KIF18A: variants seen among roughly 807,000 people sequenced by gnomAD.
KIF18A encodes the protein kinesin family member 18A.
A neutral mutation model predicts 103.3 loss-of-function variants in KIF18A; 67 were observed. The observed-to-expected ratio is 0.65, with a 90% CI of 0.53 to 0.79. The LOEUF (loss-of-function observed/expected upper bound fraction) is 0.79. Among genes scored for constraint, KIF18A ranks in the 30% least tolerant of loss-of-function variants. The pLI is 0.00. For missense variants in KIF18A, 1,032 were observed against 1,062.5 expected (o/e 0.97, Z 0.40); for synonymous variants, 367 against 355.5 (o/e 1.03, Z -0.36).
At position 28,102,157 on chromosome 11, in the gene KIF18A, C is replaced by A. The variant is rs527578099; in HGVS notation, c.-46-4164G>T. 4.6e-5 allele frequency among the ~76,000 whole-genome samples: 7 copies of A among 152,278 alleles called. No individual in the cohort carries two copies. The South Asian group carries it at 8.3e-4, about 18-fold the overall frequency. On this transcript the variant is annotated intron_variant, in intron 1 of 16. Transcript: ENST00000263181. The stretch of plus-strand genomic sequence containing the variant: ...TTTCTTTGCAGATCCAGTAGATAAT[C>A]AACTAAAAGCCAGGCACCCTTTTAG...
rs187127215 is a variant in KIF18A at position 28,060,128 on chromosome 11, G to A, written c.1713-967C>T. Among the ~76,000 whole-genome samples the A allele has an allele frequency of 3.3e-3, 498 of 152,228 alleles. 1 individual carries two copies. The highest frequency in any genetic ancestry group is 6.8e-3 in the Middle Eastern group (2 of 294). ...GTAATTTTTTGTGTATCAGACCTCT[G>A]TGTAAGTGTTCATTGAAGAAATGTC... On this transcript the variant is annotated intron_variant, in intron 12 of 16. Transcript: ENST00000263181.
chr11:28,044,509 C>T (rs1850603465), intron 13 of KIF18A, among the ~76,000 whole-genome samples: 1 of 152,028 alleles, frequency 6.6e-6, no homozygotes, highest in Non-Finnish European at 1.5e-5. Context: ...TGCTTTAAGG[C>T]ATCCTATAAA....
intron 13 of KIF18A, among the ~76,000 whole-genome samples, chr11:28,040,042 T>G (rs2133500167): frequency 6.6e-6 from 1 of 151,848 alleles, no homozygotes; most frequent in Non-Finnish European, 1.5e-5. Flanking sequence ...AATAAAAATT[T>G]AAGTCAATCT....
At chr11:28,091,339 A>G (rs553874360) in intron 4 of KIF18A, 70 bp downstream of exon 4, 245 of 770,500 alleles carry the variant, frequency 3.2e-4, no homozygotes, top group Non-Finnish European at 4.8e-4. Context: ...AAGTAAGTGC[A>G]TGGCTGGTGA....
At chr11:28,061,225 CTG>C (rs1406597700) in intron 12 of KIF18A, among the ~76,000 whole-genome samples, 11 of 151,920 alleles carry the variant, frequency 7.2e-5, no homozygotes, top group African/African-American at 2.7e-4. Context: ...TTTATATGAA[CTG>C]TATTATAATC....
At chr11:28,096,962 C>T (rs1262385136) in intron 2 of KIF18A, among the ~76,000 whole-genome samples, 1 of 151,210 alleles carries the variant, frequency 6.6e-6, no homozygotes, top group East Asian at 1.9e-4. Flanking sequence ...CTTGGGCTAA[C>T]AATGAGCTAA....
intron 2 of KIF18A, among the ~76,000 whole-genome samples, chr11:28,096,781 C>T (rs1225706372): frequency 1.3e-5 from 2 of 151,798 alleles, no homozygotes; most frequent in South Asian, 2.1e-4. Flanking sequence ...ATCATAAATA[C>T]TAATAATTAC....
chr11:28,102,027 A>G (rs1244351472), intron 1 of KIF18A, among the ~76,000 whole-genome samples: 2 of 152,124 alleles, frequency 1.3e-5, no homozygotes, highest in African/African-American at 4.8e-5. Flanking sequence ...AATATTTAAC[A>G]CCCAAAATAG....
At chr11:28,089,608 T>C (rs557794361) in intron 5 of KIF18A, among the ~76,000 whole-genome samples, 2 of 152,342 alleles carry the variant, frequency 1.3e-5, no homozygotes, top group South Asian at 2.1e-4. Context: ...TAGGAACTTT[T>C]CAGCTCTGTT....
At chr11:28,106,500 G>A (rs756419838) in intron 1 of KIF18A, among the ~76,000 whole-genome samples, 5 of 148,918 alleles carry the variant, frequency 3.4e-5, no homozygotes, top group Non-Finnish European at 5.9e-5. Context: ...AGGGAAGGCC[G>A]GCACTGACAG....
chr11:28,046,901 A>G (rs1417313556), intron 13 of KIF18A, among the ~76,000 whole-genome samples: 4 of 151,178 alleles, frequency 2.6e-5, no homozygotes, highest in Non-Finnish European at 5.9e-5. Context: ...AAAATACAAA[A>G]AAATTAGCCG....
chr11:28,077,273 A>T, intron 9 of KIF18A, 104 bp from the exon 10 acceptor site: 2 of 687,598 alleles, frequency 2.9e-6, no homozygotes, highest in South Asian at 2.3e-5. Context: ...TGTAATTCAC[A>T]GAACTACACT....
In KIF18A at chr11:28,022,405, C is replaced by T. The variant is rs978085155; in HGVS notation, c.2615-1123G>A. ...TCAGCTTCCCGAGTAGCTGGGACTACAGCCGCCTGCCACCATGCCCGGCTA... is the reference window on the plus strand; with the variant it reads ...TCAGCTTCCCGAGTAGCTGGGACTATAGCCGCCTGCCACCATGCCCGGCTA... On this transcript the variant is annotated intron_variant, in intron 16 of 16. Transcript: ENST00000263181. 2.6e-5 allele frequency among the ~76,000 whole-genome samples: 4 copies of T among 152,016 alleles called. 1 individual carries two copies.
intron 13 of KIF18A, among the ~76,000 whole-genome samples, chr11:28,042,954 A>T (rs563537398): frequency 6.6e-6 from 1 of 152,028 alleles, no homozygotes; most frequent in South Asian, 2.1e-4. Flanking sequence ...AGTACTCCCT[A>T]TCCTTTACCC....
At chr11:28,056,080 T>A (rs1322865220) in intron 13 of KIF18A, among the ~76,000 whole-genome samples, 1 of 151,852 alleles carries the variant, frequency 6.6e-6, no homozygotes, top group Non-Finnish European at 1.5e-5. Context: ...ATATATATAC[T>A]ATGTAAATAG....
At chr11:28,042,028 A>G (rs1338052296) in intron 13 of KIF18A, among the ~76,000 whole-genome samples, 1 of 151,614 alleles carries the variant, frequency 6.6e-6, no homozygotes, top group Non-Finnish European at 1.5e-5. Context: ...ATGTAACTGT[A>G]GGAGTCCTGG....
At chr11:28,082,440 C>T (rs1417600210) in intron 9 of KIF18A, among the ~76,000 whole-genome samples, 2 of 152,078 alleles carry the variant, frequency 1.3e-5, no homozygotes, top group African/African-American at 4.8e-5. Flanking sequence ...AAGACCTCCA[C>T]CAGCAAAAAG....
chr11:28,032,791 CAG>C (rs1375959643), intron 15 of KIF18A, among the ~76,000 whole-genome samples: 1 of 151,808 alleles, frequency 6.6e-6, no homozygotes, highest in Non-Finnish European at 1.5e-5. Context: ...GGAAACTCTC[CAG>C]GACACTGGAC....
intron 15 of KIF18A, among the ~76,000 whole-genome samples, chr11:28,028,095 C>A (rs1268024600): frequency 6.6e-6 from 1 of 151,868 alleles, no homozygotes; most frequent in Non-Finnish European, 1.5e-5. Flanking sequence ...GAACAAAAAC[C>A]ATATGATCAT....
Sources: allele counts gnomAD v4.1 joint callset (sites outside exome capture counted in the v4.1 genomes callset), GRCh38; gene constraint gnomAD v4.1.1; transcripts MANE v1.5; gene names NCBI Gene and HGNC (gene_info 2026-07-23, HGNC 2026-07-21).